The following TMEM51 variants were observed in gnomAD, a reference collection of about 807,000 sequenced individuals.
TMEM51 encodes the protein transmembrane protein 51.
A neutral mutation model predicts 13.6 loss-of-function variants in TMEM51; 8 were observed. The observed-to-expected ratio is 0.59, with a 90% CI of 0.35 to 1.07. The LOEUF is 1.07. TMEM51 is among the 50% of genes least tolerant of loss of function. TMEM51 has a pLI of 0.02. For missense variants in TMEM51, 279 were observed against 330.7 expected (o/e 0.84, Z 1.21); for synonymous variants, 147 against 144.4 (o/e 1.02, Z -0.13).
In TMEM51 at chr1:15,213,761, A is replaced by C. The variant is rs186998314; in HGVS notation, c.-193-1134A>C. Among the ~76,000 whole-genome samples, 211 of 152,284 alleles carry C rather than the reference A, an allele frequency of 1.4e-3. 1 individual carries two copies. Among genetic ancestry groups the C allele is most frequent in the Non-Finnish European group, 2.5e-3 (168 of 68,030 alleles). The stretch of plus-strand genomic sequence containing the variant: ...GGCCTGTGTCCCTTTTAACAAAGGG[A>C]GAACTCGATGTGGTTTCAGAGAAGC... On this transcript the variant is annotated intron_variant, in intron 2 of 3. Coordinates refer to ENST00000376008, the MANE Select transcript of TMEM51 (RefSeq NM_001136218.2).
At chr1:15,204,162 G>A (rs1027183197) in intron 1 of TMEM51, among the ~76,000 whole-genome samples, 1 of 152,202 alleles carries the variant, frequency 6.6e-6, no homozygotes, top group Non-Finnish European at 1.5e-5. Context: ...CTGGCCACCA[G>A]GAACACTGAC....
At chr1:15,203,541 A>C (rs1430742085) in intron 1 of TMEM51, among the ~76,000 whole-genome samples, 1 of 151,914 alleles carries the variant, frequency 6.6e-6, no homozygotes, top group Admixed American at 6.6e-5. Flanking sequence ...GATTATAGAC[A>C]TGAGCCACCA....
At position 15,215,196 on chromosome 1, in the gene TMEM51, T is replaced by G; in HGVS notation, c.109T>G (p.Phe37Val). 1 of 1,614,208 alleles carries G rather than the reference T, an allele frequency of 6.2e-7. No homozygotes were observed. Among genetic ancestry groups the G allele is most frequent in the Non-Finnish European group, 8.5e-7 (1 of 1,180,040 alleles). The change falls in exon 3 of 4, where the codon TTC becomes GTC. Residue 37 changes from phenylalanine to valine, a missense_variant. Transcript: ENST00000376008. The stretch of plus-strand genomic sequence containing the variant: ...GGCCATGTGGAACCTGGTACCCGGC[T>G]TCAGCGCGGCCGAGAAGCCAACAGC... ...IMAMWNLVPG[F>V]SAAEKPTAQG...
Position 15,204,974 on chromosome 1 carries a change from G to A in TMEM51, c.-266-5516G>A, listed in dbSNP as rs1644223926. Among the ~76,000 whole-genome samples, 5 of 152,228 alleles carry A rather than the reference G, an allele frequency of 3.3e-5. No individual in the cohort carries two copies. In the South Asian group the frequency reaches 1.0e-3, roughly 32 times the overall value. ...GGTTCGAGGTGTCAGACTCACATTG[G>A]GCTGACGGGGACAGGAGATCTGCAT... On this transcript the variant is annotated intron_variant, in intron 1 of 3. Transcript: ENST00000376008.
intron 1 of TMEM51, among the ~76,000 whole-genome samples, chr1:15,187,014 G>A (rs978118579): frequency 4.6e-5 from 7 of 152,094 alleles, no homozygotes; most frequent in African/African-American, 1.7e-4. Flanking sequence ...CACTGTCGGG[G>A]GGTATGTGTG....
chr1:15,180,068 A>G (rs1427836685), intron 1 of TMEM51, among the ~76,000 whole-genome samples: 2 of 152,236 alleles, frequency 1.3e-5, no homozygotes, highest in African/African-American at 4.8e-5. Context: ...CAACTGAGTC[A>G]GCAGACCTAG....
chr1:15,160,798 TCTC>T (rs1302325891), intron 1 of TMEM51, among the ~76,000 whole-genome samples: 2 of 151,748 alleles, frequency 1.3e-5, no homozygotes, highest in Non-Finnish European at 2.9e-5. Flanking sequence ...TTTAAACAAA[TCTC>T]CTGATACATA....
At position 15,203,430 on chromosome 1, in the gene TMEM51, T is replaced by C. The variant is rs185999244; in HGVS notation, c.-266-7060T>C. 4.9e-3 allele frequency among the ~76,000 whole-genome samples: 488 copies of C among 99,602 alleles called. 11 individuals are homozygous for C. Among genetic ancestry groups the C allele is most frequent in the East Asian group, 0.046 (232 of 5,022 alleles). The allele number at this position is 99,602 out of a possible 152,430, so 65.3% of individuals were successfully genotyped here. On this transcript the variant is annotated intron_variant, in intron 1 of 3. Coordinates refer to ENST00000376008, the MANE Select transcript of TMEM51 (RefSeq NM_001136218.2). ...CCACCCCTCCCGGCTAATTTTTGTA[T>C]TTTTTTTTTTTCAGTAGAGACAGAG... is the stretch of plus-strand genomic sequence containing the variant.
At chr1:15,152,686 T>G (rs193036293), upstream of TMEM51, 3 of 152,310 alleles carry the variant, frequency 2.0e-5, no homozygotes, top group African/African-American at 7.2e-5. Context: ...AGCATCCACG[T>G]TTTTTGGCGG....
chr1:15,179,102 A>G (rs1643535340), intron 1 of TMEM51, among the ~76,000 whole-genome samples: 1 of 152,012 alleles, frequency 6.6e-6, no homozygotes, highest in Non-Finnish European at 1.5e-5. Flanking sequence ...GCATCTGGAC[A>G]TGGGGCTTAA....
At chr1:15,172,926 G>A (rs564761106) in intron 1 of TMEM51, among the ~76,000 whole-genome samples, 2 of 152,242 alleles carry the variant, frequency 1.3e-5, no homozygotes, top group African/African-American at 4.8e-5. Context: ...AAACGTCGTC[G>A]TTATGTGTAA....
intron 1 of TMEM51, chr1:15,192,445 T>TTCTTTTC (rs1557847080): frequency 9.2e-5 from 20 of 217,500 alleles, no homozygotes; most frequent in African/African-American, 4.2e-4. Context: ...TTTCTTTCTT[T>TTCTTTTC]CTTTCTTTTC....
intron 1 of TMEM51, among the ~76,000 whole-genome samples, chr1:15,159,014 C>A (rs1642680619): frequency 6.6e-6 from 1 of 152,130 alleles, no homozygotes; most frequent in Non-Finnish European, 1.5e-5. Context: ...GAACCTTGCG[C>A]AATGTAGCTC....
intron 1 of TMEM51, among the ~76,000 whole-genome samples, chr1:15,193,848 C>T (rs1045083123): frequency 6.6e-6 from 1 of 152,198 alleles, no homozygotes; most frequent in Non-Finnish European, 1.5e-5. Context: ...TGAGCCACTG[C>T]GCCTGGCCAG....
At position 15,215,228 on chromosome 1, in the gene TMEM51, C is replaced by T; in HGVS notation, c.141C>T (p.Gly47=). 1 of 1,614,226 alleles carries T rather than the reference C, an allele frequency of 6.2e-7. No individual in the cohort carries two copies. The highest frequency in any genetic ancestry group is 2.2e-5 in the East Asian group (1 of 44,894). The stretch of plus-strand genomic sequence containing the variant: ...CGGCCGAGAAGCCAACAGCTCAGGG[C>T]AGCAACAAGACCGAGGTGGGTGGCG... ...FSAAEKPTAQ[G]SNKTEVGGGI... Residue 47 remains glycine (G), a synonymous_variant, in exon 3 of 4, where the codon GGC becomes GGT. Coordinates refer to ENST00000376008, the MANE Select transcript of TMEM51 (RefSeq NM_001136218.2).
chr1:15,203,660 C>T (rs1304581858), intron 1 of TMEM51, among the ~76,000 whole-genome samples: 1 of 152,148 alleles, frequency 6.6e-6, no homozygotes, highest in African/African-American at 2.4e-5. Context: ...GGGGACAAGG[C>T]CTTCTGTCTG....
intron 1 of TMEM51, among the ~76,000 whole-genome samples, chr1:15,171,560 A>C (rs1457401153): frequency 1.3e-5 from 2 of 152,168 alleles, no homozygotes; most frequent in Admixed American, 6.5e-5. Flanking sequence ...AGCTGGATGC[A>C]GAATGGAGGA....
chr1:15,219,583 T>C lies in TMEM51; in HGVS notation c.602T>C (p.Leu201Pro), dbSNP rs1557862807. The change falls in exon 4 of 4, where the codon CTG (leucine) becomes CCG (proline). Residue 201 changes from leucine (L) to proline (P), a missense_variant. By Grantham distance (98) the Leu-to-Pro change is moderately conservative. Coordinates refer to ENST00000376008, the MANE Select transcript of TMEM51 (RefSeq NM_001136218.2). ...AAGTTGGCCAAACGACTGAAACCGC[T>C]GAAAGTTCGAAGGATTAAATCTGAA... Reference protein sequence around the residue: ...NSKLAKRLKPLKVRRIKSEKL... With the variant: ...NSKLAKRLKPPKVRRIKSEKL... The C allele has an allele frequency of 1.2e-6, 2 of 1,613,920 alleles. No homozygotes were observed. The highest frequency in any genetic ancestry group is 1.3e-5 in the African/African-American group (1 of 74,896).
chr1:15,212,959 G>A (rs1027108523), intron 2 of TMEM51, among the ~76,000 whole-genome samples: 7 of 152,352 alleles, frequency 4.6e-5, no homozygotes, highest in African/African-American at 1.2e-4. Flanking sequence ...GTTCACGCAC[G>A]TGCACATACA....
Sources: allele counts gnomAD v4.1 joint callset (sites outside exome capture counted in the v4.1 genomes callset), GRCh38; gene constraint gnomAD v4.1.1; transcripts MANE v1.5; gene names NCBI Gene and HGNC (gene_info 2026-07-23, HGNC 2026-07-21).